Variants in LAMC3 observed in about 807,000 individuals in gnomAD.
LAMC3 encodes the protein laminin subunit gamma 3.
A neutral mutation model predicts 173.8 loss-of-function variants in LAMC3; 128 were observed. The observed-to-expected ratio is 0.74, with a 90% CI of 0.64 to 0.85. The LOEUF is 0.85. Among genes scored for constraint, LAMC3 ranks in the 40% least tolerant of loss-of-function variants. The pLI, the probability that LAMC3 is intolerant of heterozygous loss-of-function variation, is 0.00. For synonymous variants in LAMC3, 897 were observed against 909.1 expected (o/e 0.99, Z 0.24); for missense variants, 2,022 against 2,156.0 (o/e 0.94, Z 1.23).
In LAMC3 at chr9:131,049,061, C is replaced by T. The variant is rs777951099; in HGVS notation, c.1561C>T (p.His521Tyr). The change falls in exon 9 of 28, where the codon CAC becomes TAC. Residue 521 changes from histidine (H) to tyrosine (Y), a missense_variant. Transcript: ENST00000361069. Reference protein sequence around the residue: ...WWARSVGGSEHPPQWSPNGVL... With the variant: ...WWARSVGGSEYPPQWSPNGVL... ...GGCCAGAAGTGTGGGGGGCTCTGAG[C>T]ACCCCCCACAATGGAGCCCAAATGG... The T allele has an allele frequency of 6.4e-7, 1 of 1,551,626 alleles. No homozygotes were observed. Among genetic ancestry groups the T allele is most frequent in the Non-Finnish European group, 8.7e-7 (1 of 1,146,884 alleles).
At chr9:131,040,932 C>T (rs374132309) in intron 6 of LAMC3, among the ~76,000 whole-genome samples, 22 of 152,222 alleles carry the variant, frequency 1.4e-4, no homozygotes, top group Middle Eastern at 3.4e-3. Flanking sequence ...AGGGAGGAAC[C>T]ATGTCTTATT....
chr9:131,066,151 C>T (rs987287040), intron 13 of LAMC3, among the ~76,000 whole-genome samples: 7 of 145,948 alleles, frequency 4.8e-5, no homozygotes, highest in Non-Finnish European at 1.1e-4. Context: ...GCCGAAATTG[C>T]GCCCCTGCAC....
Position 131,042,544 on chromosome 9 carries a change from G to A in LAMC3, c.1382+809G>A, listed in dbSNP as rs572053457. 9.4e-4 allele frequency among the ~76,000 whole-genome samples: 143 copies of A among 151,878 alleles called. 1 individual carries two copies. Among genetic ancestry groups the A allele is most frequent in the African/African-American group, 3.3e-3 (138 of 41,404 alleles). On this transcript the variant is annotated intron_variant, in intron 7 of 27. Coordinates refer to ENST00000361069, the MANE Select transcript of LAMC3 (RefSeq NM_006059.4). Reference sequence around the variant, plus strand: ...ATGCACCCCTTTCACACCCACAGCAGACATCACTAATGGTATAACCATGGC... The same window carrying A: ...ATGCACCCCTTTCACACCCACAGCAAACATCACTAATGGTATAACCATGGC...
Position 131,056,914 on chromosome 9 carries a change from C to T in LAMC3, c.1940-15C>T, listed in dbSNP as rs1363418996. ...TTGTGCCTCCTCTCTTCCTCTCTCC[C>T]TTCTCGCTCTGCAGGTCCAGTGTTC... On this transcript the variant is annotated splice_polypyrimidine_tract_variant and intron_variant, in intron 11 of 27. Coordinates refer to ENST00000361069, the MANE Select transcript of LAMC3 (RefSeq NM_006059.4). 3.1e-6 allele frequency: 5 copies of T among 1,606,882 alleles called. No individual in the cohort carries two copies. Among genetic ancestry groups the T allele is most frequent in the Middle Eastern group, 1.7e-4 (1 of 6,038 alleles).
intron 1 of LAMC3, among the ~76,000 whole-genome samples, chr9:131,024,555 G>A (rs1342199916): frequency 6.6e-6 from 1 of 152,122 alleles, no homozygotes; most frequent in Non-Finnish European, 1.5e-5. Flanking sequence ...GGGGTCTCTG[G>A]GACCAGGGAA....
chr9:131,045,202 A>G (rs992672992), intron 7 of LAMC3, among the ~76,000 whole-genome samples: 1 of 146,734 alleles, frequency 6.8e-6, no homozygotes, highest in African/African-American at 2.5e-5. Context: ...AGCCTGGGCC[A>G]CAGAACAAGA....
intron 1 of LAMC3, among the ~76,000 whole-genome samples, chr9:131,024,950 C>T (rs1833691295): frequency 6.6e-6 from 1 of 152,000 alleles, no homozygotes; most frequent in Admixed American, 6.6e-5. Context: ...TTGAGTTGGG[C>T]TTCTGTGAGG....
Position 131,052,523 on chromosome 9 carries a change from G to A in LAMC3, c.1663G>A (p.Gly555Arg). Residue 555 changes from glycine to arginine, a missense_variant, in exon 10 of 28, where the codon GGG becomes AGG. Gly to Arg is a moderately radical substitution (Grantham distance 125, BLOSUM62 -2). Transcript: ENST00000361069. ...CCTGGGAGACCAGCGGTTCAGCTAT[G>A]GGCAGCCCCTCATACTGACCTTCCG... ...KFLGDQRFSY[G>R]QPLILTFRVP... is the part of the protein sequence containing the mutation. The A allele has an allele frequency of 5.6e-6, 9 of 1,614,138 alleles. No individual in the cohort carries two copies. The highest frequency in any genetic ancestry group is 2.2e-5 in the East Asian group (1 of 44,880).
chr9:131,056,974 G>A lies in LAMC3; in HGVS notation c.1985G>A (p.Gly662Glu), dbSNP rs758415508. 1 of 1,613,972 alleles carries A rather than the reference G, an allele frequency of 6.2e-7. No homozygotes were observed. Among genetic ancestry groups the A allele is most frequent in the East Asian group, 2.2e-5 (1 of 44,874 alleles). The change falls in exon 12 of 28, where the codon GGG becomes GAG. Residue 662 changes from glycine to glutamate, a missense_variant. By Grantham distance (98) the Gly-to-Glu change is moderately conservative (BLOSUM62 -2). Coordinates refer to ENST00000361069, the MANE Select transcript of LAMC3 (RefSeq NM_006059.4). ...TEVRLTSARP[G>E]LSPPASWVEI... ...GTCCGGCTCACATCCGCCCGGCCAG[G>A]GCTTTCCCCGCCAGCCTCCTGGGTG... is the stretch of plus-strand genomic sequence containing the variant.
At position 131,069,005 on chromosome 9, in the gene LAMC3, A is replaced by C; in HGVS notation, c.2845A>C (p.Arg949=). ...RPGVTGQACD[R]CQLGFFGFSI... ...AGGTGTCACAGGCCAGGCCTGTGAC[A>C]GGTGCCAGCTGGGTTTCTTCGGCTT... is the stretch of plus-strand genomic sequence containing the variant. The change falls in exon 16 of 28, where the codon AGG becomes CGG. Residue 949 remains arginine (R), a synonymous_variant. Transcript: ENST00000361069. 6.2e-7 allele frequency: 1 copy of C among 1,614,026 alleles called. No homozygotes were observed. The highest frequency in any genetic ancestry group is 1.3e-5 in the African/African-American group (1 of 75,042).
Position 131,049,143 on chromosome 9 carries a change from C to T in LAMC3, c.1630+13C>T, listed in dbSNP as rs1410777061. 3 of 1,498,700 alleles carry T rather than the reference C, an allele frequency of 2.0e-6. No individual in the cohort carries two copies. Among genetic ancestry groups the T allele is most frequent in the Non-Finnish European group, 9.1e-7 (1 of 1,098,770 alleles). 92.8% of individuals were successfully genotyped at this position (1,498,700 alleles called of 1,614,324 possible). On this transcript the variant is annotated intron_variant, in intron 9 of 27. Coordinates refer to ENST00000361069, the MANE Select transcript of LAMC3 (RefSeq NM_006059.4). The stretch of plus-strand genomic sequence containing the variant: ...CTCACAGCACCAGGTACCTCCAGCA[C>T]CAGGTGGGGGCTGGCCGCCCTGTGT...
In LAMC3 at chr9:131,038,921, G is replaced by A; in HGVS notation, c.1034G>A (p.Ser345Asn). Residue 345 changes from serine (S) to asparagine (N), a missense_variant, in exon 5 of 28, where the codon AGC becomes AAC. Transcript: ENST00000361069. Reference sequence around the variant, plus strand: ...ACGTTTGATCGGGAGCTCTTCCGCAGCACAGGCCACGGCGGGCGCTGTCAC... The same window carrying A: ...ACGTTTGATCGGGAGCTCTTCCGCAACACAGGCCACGGCGGGCGCTGTCAC... ...ECTFDRELFR[S>N]TGHGGRCHHC... 1 of 1,613,248 alleles carries A rather than the reference G, an allele frequency of 6.2e-7. No homozygotes were observed.
At chr9:131,087,445 C>T (rs760307952) in intron 25 of LAMC3, 31 bp from the exon 26 acceptor site, 2 of 1,613,330 alleles carry the variant, frequency 1.2e-6, no homozygotes, top group Non-Finnish European at 1.7e-6. Flanking sequence ...GCACTCACTT[C>T]TTCTCCCTGC....
At chr9:131,055,761 A>G (rs941253518) in intron 11 of LAMC3, among the ~76,000 whole-genome samples, 1 of 151,718 alleles carries the variant, frequency 6.6e-6, no homozygotes, top group Non-Finnish European at 1.5e-5. Context: ...CTTTATTTTT[A>G]AAATGTACAC....
chr9:131,020,067 G>A (rs1225867737), intron 1 of LAMC3, among the ~76,000 whole-genome samples: 1 of 152,140 alleles, frequency 6.6e-6, no homozygotes, highest in Non-Finnish European at 1.5e-5. Flanking sequence ...TTGGGAAAAT[G>A]GAAACAAAAC....
rs1188191114 is a variant in LAMC3, at chr9:131,087,512, C to T, written c.4267C>T (p.His1423Tyr). The change falls in exon 26 of 28, where the codon CAC becomes TAC. Residue 1423 changes from histidine (H) to tyrosine (Y), a missense_variant. Physicochemically the swap from His to Tyr is moderately conservative, Grantham distance 83. Transcript: ENST00000361069. Reference sequence around the variant, plus strand: ...CTTGCTGAGGGAGCGGAAACAGGCGCACCGCCGTGCCAGCAGGCTCACCAG... The same window carrying T: ...CTTGCTGAGGGAGCGGAAACAGGCGTACCGCCGTGCCAGCAGGCTCACCAG... ...KALLRERKQA[H>Y]RRASRLTSQT... is the part of the protein sequence containing the mutation. The T allele has an allele frequency of 6.2e-7, 1 of 1,613,816 alleles. No individual in the cohort carries two copies. Among genetic ancestry groups the T allele is most frequent in the Non-Finnish European group, 8.5e-7 (1 of 1,180,022 alleles).
At chr9:131,053,132 A>G (rs1195807369) in intron 11 of LAMC3, among the ~76,000 whole-genome samples, 167 bp downstream of exon 11, 1 of 152,242 alleles carries the variant, frequency 6.6e-6, no homozygotes, top group Non-Finnish European at 1.5e-5. Flanking sequence ...GCCAGAGGCC[A>G]TATAACCTGT....
Position 131,057,015 on chromosome 9 carries a change from C to G in LAMC3, c.2026C>G (p.Pro676Ala). The G allele has an allele frequency of 1.2e-6, 2 of 1,614,130 alleles. No individual in the cohort carries two copies. Among genetic ancestry groups the G allele is most frequent in the Non-Finnish European group, 1.7e-6 (2 of 1,180,034 alleles). The change falls in exon 12 of 28, where the codon CCC (proline) becomes GCC (alanine). Residue 676 changes from proline (P) to alanine (A), a missense_variant. Physicochemically the swap from Pro to Ala is conservative, Grantham distance 27. Transcript: ENST00000361069. ...CTCCTGGGTGGAGATTTGTTCATGTCCCACTGGCTACACGGGCCAGTTCTG... is the reference window on the plus strand; with the variant it reads ...CTCCTGGGTGGAGATTTGTTCATGTGCCACTGGCTACACGGGCCAGTTCTG... ...PASWVEICSC[P>A]TGYTGQFCES...
chr9:131,065,141 C>T (rs1320125280), intron 13 of LAMC3, among the ~76,000 whole-genome samples: 1 of 151,876 alleles, frequency 6.6e-6, no homozygotes, highest in Non-Finnish European at 1.5e-5. Flanking sequence ...GGGCCTGACA[C>T]TGGTTTCATG....
Sources: gnomAD v4.1 joint callset for allele counts (sites outside exome capture counted in the v4.1 genomes callset) on GRCh38, gnomAD v4.1.1 for gene constraint, MANE v1.5 for transcripts, NCBI Gene and HGNC (gene_info 2026-07-23, HGNC 2026-07-21) for gene names.